The following ASAP2 variants were observed in gnomAD, a reference collection of about 807,000 sequenced individuals.
ASAP2 encodes the protein arf-GAP with SH3 domain, ANK repeat and PH domain-containing protein 2.
A neutral mutation model predicts 131.4 loss-of-function variants in ASAP2; 45 were observed. That is an observed-to-expected ratio of 0.34 (90% confidence interval 0.27 to 0.44). The LOEUF is 0.44. ASAP2 is among the 20% of genes least tolerant of loss of function. The probability of loss-of-function intolerance (pLI) is 1.00; values close to 1 mark genes in which losing one functional copy is unlikely to be tolerated. For synonymous variants in ASAP2, 510 were observed against 503.0 expected (o/e 1.01, Z -0.19); for missense variants, 1,011 against 1,297.0 (o/e 0.78, Z 3.39).
chr2:9,398,886 G>C (rs904680507), intron 24 of ASAP2: 2 of 152,020 alleles, frequency 1.3e-5, no homozygotes, highest in African/African-American at 4.8e-5. Context: ...GCTCACTGCT[G>C]TCTCAGAGGA....
In ASAP2 at chr2:9,323,293, C is replaced by T. The variant is rs111440832; in HGVS notation, c.600+43C>T. 3.2e-5 allele frequency: 52 copies of T among 1,609,822 alleles called. No homozygotes were observed. In the African/African-American group the frequency reaches 3.9e-4, roughly 12 times the overall value. On this transcript the variant is annotated intron_variant, in intron 6 of 27. Transcript: ENST00000281419. ...GCAGGTCCTACAGCCCAGGCTGTGCCGGCTCTGCCCTCACCTGTGGGAGCA... is the reference window on the plus strand; with the variant it reads ...GCAGGTCCTACAGCCCAGGCTGTGCTGGCTCTGCCCTCACCTGTGGGAGCA...
intron 1 of ASAP2, among the ~76,000 whole-genome samples, chr2:9,276,847 T>A (rs566239471): frequency 6.6e-6 from 1 of 152,248 alleles, no homozygotes; most frequent in Admixed American, 6.5e-5. Context: ...GTCTCTTTCT[T>A]CTTTATTCGT....
At chr2:9,326,227 A>AAAAC (rs374953608) in intron 6 of ASAP2, among the ~76,000 whole-genome samples, 9 of 152,294 alleles carry the variant, frequency 5.9e-5, no homozygotes, top group Non-Finnish European at 8.8e-5. Context: ...CAAAAAAACA[A>AAAAC]AAACAAACAA....
intron 11 of ASAP2, among the ~76,000 whole-genome samples, chr2:9,345,674 C>A (rs1429569449): frequency 6.6e-6 from 1 of 152,090 alleles, no homozygotes; most frequent in Non-Finnish European, 1.5e-5. Context: ...GCATGCAAGC[C>A]AGCAGCCTTG....
chr2:9,278,966 C>G (rs903216432), intron 1 of ASAP2, among the ~76,000 whole-genome samples: 2 of 152,092 alleles, frequency 1.3e-5, no homozygotes, highest in Middle Eastern at 3.2e-3. Flanking sequence ...TTGCTGGTAA[C>G]CAAGGAGAAC....
intron 17 of ASAP2, 108 bp downstream of exon 17, chr2:9,375,052 T>TTGATCTCAAACTCC: frequency 3.0e-6 from 3 of 991,060 alleles, no homozygotes; most frequent in Non-Finnish European, 4.2e-6. Flanking sequence ...GGAGGATCCT[T>TTGATCTCAAACTCC]TGAGCTCAGG....
intron 1 of ASAP2, among the ~76,000 whole-genome samples, chr2:9,240,452 C>T (rs575630853): frequency 1.3e-5 from 2 of 151,998 alleles, no homozygotes; most frequent in Admixed American, 6.5e-5. Flanking sequence ...CTCCATGTTT[C>T]CCAGGCTGGT....
Position 9,392,101 on chromosome 2 carries a change from C to T in ASAP2, c.2518+905C>T, listed in dbSNP as rs942603265. Among the ~76,000 whole-genome samples, 4 of 152,120 alleles carry T rather than the reference C, an allele frequency of 2.6e-5. No homozygotes were observed. The highest frequency in any genetic ancestry group is 7.2e-5 in the African/African-American group (3 of 41,412). ...AATTCCTGGGCTCAAGTGATCCACC[C>T]GCCTTGTCCTCCCAAAGTGCTGGGA... On this transcript the variant is annotated intron_variant, in intron 23 of 27. Transcript: ENST00000281419. This position sits in a 1 kb window ranked among gnomAD's most constrained non-coding sequence, Gnocchi z 4.0.
chr2:9,376,809 A>G, intron 17 of ASAP2, 99 bp from the exon 18 acceptor site: 1 of 1,098,148 alleles, frequency 9.1e-7, no homozygotes, highest in East Asian at 2.4e-5. Flanking sequence ...AGGGAAAGAT[A>G]AAAGACTTTT....
chr2:9,379,956 C>T (rs958441915), intron 19 of ASAP2, among the ~76,000 whole-genome samples: 8 of 148,174 alleles, frequency 5.4e-5, no homozygotes, highest in Admixed American at 4.7e-4. Context: ...TGCACCATTG[C>T]ACTCCAGCCT....
intron 1 of ASAP2, among the ~76,000 whole-genome samples, chr2:9,233,756 A>G (rs1317172883): frequency 6.6e-6 from 1 of 152,214 alleles, no homozygotes; most frequent in Non-Finnish European, 1.5e-5. Flanking sequence ...CACATGTTAA[A>G]TGGATTTAAT....
intron 11 of ASAP2, among the ~76,000 whole-genome samples, chr2:9,348,243 A>G (rs570645704): frequency 1.3e-4 from 20 of 152,180 alleles, no homozygotes; most frequent in Non-Finnish European, 2.4e-4. Flanking sequence ...CAGCCTCCCA[A>G]GTAGCTGGGA....
intron 1 of ASAP2, among the ~76,000 whole-genome samples, chr2:9,271,824 C>T (rs922473187): frequency 3.3e-5 from 5 of 151,824 alleles, no homozygotes; most frequent in Admixed American, 6.6e-5. Context: ...TCTTTCTGTA[C>T]GTGGCTTATT....
intron 6 of ASAP2, among the ~76,000 whole-genome samples, chr2:9,324,628 C>G (rs990669817): frequency 6.6e-6 from 1 of 152,132 alleles, no homozygotes; most frequent in African/African-American, 2.4e-5. Flanking sequence ...TACCACTCCC[C>G]CAGTAATCCA....
At chr2:9,360,289 A>G (rs1007971469) in intron 15 of ASAP2, among the ~76,000 whole-genome samples, 1 of 152,198 alleles carries the variant, frequency 6.6e-6, no homozygotes, top group Non-Finnish European at 1.5e-5. Flanking sequence ...TAACAACCTG[A>G]TGACCTTGGT....
At chr2:9,397,825 C>A (rs1676289805) in intron 24 of ASAP2, among the ~76,000 whole-genome samples, 1 of 125,178 alleles carries the variant, frequency 8.0e-6, no homozygotes, top group African/African-American at 3.1e-5. Context: ...GTGGCTCGAT[C>A]TCTGCTCATT....
intron 1 of ASAP2, among the ~76,000 whole-genome samples, chr2:9,238,620 G>A (rs979963935): frequency 2.0e-5 from 3 of 152,206 alleles, no homozygotes; most frequent in Non-Finnish European, 4.4e-5. Context: ...TGCATGGGGA[G>A]GAGAGGCTGA....
chr2:9,322,622 A>G (rs58109723), intron 5 of ASAP2, among the ~76,000 whole-genome samples: 3,090 of 152,288 alleles, frequency 0.02, 109 homozygotes, highest in African/African-American at 0.071. Context: ...ATGAATGTAG[A>G]AAGGATAATT....
At chr2:9,325,769 A>G (rs1670439480) in intron 6 of ASAP2, among the ~76,000 whole-genome samples, 2 of 150,932 alleles carry the variant, frequency 1.3e-5, no homozygotes, top group African/African-American at 4.9e-5. Context: ...CCTCTAAGTC[A>G]TAGACTTGAG....
Sources: gnomAD v4.1 joint callset for allele counts (sites outside exome capture counted in the v4.1 genomes callset) on GRCh38, gnomAD v4.1.1 for gene constraint, Gnocchi (gnomAD v3.1) non-coding constraint, MANE v1.5 for transcripts, NCBI Gene and HGNC (gene_info 2026-07-23, HGNC 2026-07-21) for gene names.